Variants in KIAA1217 observed in about 807,000 individuals in gnomAD.
The protein encoded by KIAA1217 is sickle tail protein homolog.
In KIAA1217, 88 loss-of-function variants were observed where a neutral mutation model predicts 163.9. The observed-to-expected ratio is 0.54, with a 90% CI of 0.45 to 0.64. The LOEUF (loss-of-function observed/expected upper bound fraction) is 0.64, where lower values mean the gene tolerates loss of function less well. Ranked by LOEUF, KIAA1217 falls within the 30% of genes least tolerant of loss-of-function variation. The pLI is 0.00. For missense variants in KIAA1217, 2,372 were observed against 2,475.0 expected (o/e 0.96, Z 0.88); for synonymous variants, 903 against 923.1 (o/e 0.98, Z 0.39).
chr10:23,894,604 T>C (rs1017665309), intron 1 of KIAA1217, among the ~76,000 whole-genome samples: 1 of 150,410 alleles, frequency 6.6e-6, no homozygotes, highest in African/African-American at 2.4e-5. Context: ...CCCATCAAGC[T>C]ACCAATGACT....
Position 24,544,168 on chromosome 10 carries a change from C to T in KIAA1217, c.4898C>T (p.Thr1633Ile), listed in dbSNP as rs756694741. The T allele has an allele frequency of 7.4e-6, 12 of 1,614,114 alleles. No homozygotes were observed. In the South Asian group the frequency reaches 1.1e-4, roughly 15 times the overall value. ...ATCGCTAGGTCTCAACCTGAAGACA[C>T]CCCTGAAAACACAGTGAGGAGGCAA... ...FEIARSQPED[T>I]PENTVRRQEQ... The change falls in exon 19 of 21, where the codon ACC becomes ATC. Residue 1633 changes from threonine to isoleucine, a missense_variant. By Grantham distance (89) the Thr-to-Ile change is moderately conservative. Transcript: ENST00000376454.
chr10:23,835,368 T>G lies in KIAA1217; in HGVS notation c.-321+140134T>G, dbSNP rs192986352. On this transcript the variant is annotated intron_variant, in intron 1 of 18. Coordinates refer to the KIAA1217 transcript ENST00000376462. ...TAAACTTCTCAAAAATGGAGTGATT[T>G]TTTTTTGGCTTATCTGAGAAGGGGG... 2.0e-5 allele frequency among the ~76,000 whole-genome samples: 3 copies of G among 152,212 alleles called. No individual in the cohort carries two copies. The East Asian group carries it at 5.8e-4, about 29-fold the overall frequency.
chr10:24,457,688 C>T (rs1042184529), intron 5 of KIAA1217, among the ~76,000 whole-genome samples: 8 of 152,122 alleles, frequency 5.3e-5, no homozygotes, highest in Admixed American at 2.0e-4. Context: ...GGTGTGAGAG[C>T]CACTGTGCTC....
chr10:23,774,539 T>A (rs1203129588), intron 1 of KIAA1217, among the ~76,000 whole-genome samples: 4 of 152,170 alleles, frequency 2.6e-5, no homozygotes, highest in Non-Finnish European at 5.9e-5. Context: ...TGTGCAGACC[T>A]CCTCTACTGG....
At chr10:24,350,059 C>G (rs1462710270) in intron 2 of KIAA1217, among the ~76,000 whole-genome samples, 1 of 152,166 alleles carries the variant, frequency 6.6e-6, no homozygotes, top group Non-Finnish European at 1.5e-5. Context: ...CTCTTCATCC[C>G]TGGGTAAGGT....
intron 2 of KIAA1217, among the ~76,000 whole-genome samples, chr10:24,166,119 A>G (rs2065332687): frequency 6.6e-6 from 1 of 152,104 alleles, no homozygotes; most frequent in African/African-American, 2.4e-5. Flanking sequence ...ATTTGGACAA[A>G]TCGTTTTTAA....
chr10:24,233,137 A>T (rs2071692764), intron 2 of KIAA1217, among the ~76,000 whole-genome samples: 1 of 151,896 alleles, frequency 6.6e-6, no homozygotes, highest in African/African-American at 2.4e-5. Flanking sequence ...TAAAATAAAG[A>T]AATAAAAATA....
At chr10:23,962,502 G>A (rs1844857481) in intron 1 of KIAA1217, among the ~76,000 whole-genome samples, 1 of 152,066 alleles carries the variant, frequency 6.6e-6, no homozygotes, top group Admixed American at 6.6e-5. Context: ...ACAACAAATG[G>A]GAATTCTCTT....
At chr10:24,526,379 C>T (rs1375856269) in intron 13 of KIAA1217, among the ~76,000 whole-genome samples, 3 of 152,152 alleles carry the variant, frequency 2.0e-5, no homozygotes, top group Non-Finnish European at 4.4e-5. Context: ...TGATTCTATT[C>T]CCAGTACCTA....
At chr10:24,165,687 C>A (rs1454823212) in intron 2 of KIAA1217, among the ~76,000 whole-genome samples, 1 of 152,204 alleles carries the variant, frequency 6.6e-6, no homozygotes, top group East Asian at 1.9e-4. Context: ...TTTATAGGAT[C>A]TTGCTCAGGT....
At chr10:24,274,063 A>G (rs1721718444) in intron 2 of KIAA1217, among the ~76,000 whole-genome samples, 1 of 152,230 alleles carries the variant, frequency 6.6e-6, no homozygotes, top group African/African-American at 2.4e-5. Flanking sequence ...TAAGGCAATG[A>G]TTTACATTTC....
chr10:24,418,170 C>T (rs999899392), intron 3 of KIAA1217, among the ~76,000 whole-genome samples: 2 of 151,838 alleles, frequency 1.3e-5, no homozygotes, highest in Non-Finnish European at 2.9e-5. Flanking sequence ...TTATTCAGGC[C>T]GGTCTTAAAC....
chr10:23,850,139 G>T (rs1398528586), intron 1 of KIAA1217, among the ~76,000 whole-genome samples: 2 of 151,972 alleles, frequency 1.3e-5, no homozygotes, highest in Non-Finnish European at 2.9e-5. Context: ...TAATTAAAAA[G>T]AACAACCCAC....
intron 2 of KIAA1217, chr10:24,275,931 T>A (rs1015271025): frequency 7.3e-6 from 3 of 412,230 alleles, no homozygotes; most frequent in African/African-American, 6.3e-5. Flanking sequence ...TGTCTTTCCA[T>A]ACCCCTCCCT....
intron 1 of KIAA1217, among the ~76,000 whole-genome samples, chr10:23,933,653 G>A (rs1843347971): frequency 6.6e-6 from 1 of 151,640 alleles, no homozygotes; most frequent in African/African-American, 2.4e-5. Flanking sequence ...TCTAACAAAG[G>A]TCTAATATCC....
At chr10:24,434,723 G>A (rs1451103066) in intron 4 of KIAA1217, among the ~76,000 whole-genome samples, 2 of 152,116 alleles carry the variant, frequency 1.3e-5, no homozygotes, top group Non-Finnish European at 2.9e-5. Flanking sequence ...CTGGAAAACA[G>A]GACTTAGATC....
chr10:24,384,001 G>T (rs1051888886), intron 3 of KIAA1217, among the ~76,000 whole-genome samples: 1 of 152,196 alleles, frequency 6.6e-6, no homozygotes, highest in South Asian at 2.1e-4. Flanking sequence ...CGGGTTCCTG[G>T]GATAAACAGT....
In KIAA1217 at chr10:24,521,812, G is replaced by C. The variant is rs1564851804; in HGVS notation, c.2339G>C (p.Arg780Pro). 6.2e-7 allele frequency: 1 copy of C among 1,613,382 alleles called. No individual in the cohort carries two copies. Among genetic ancestry groups the C allele is most frequent in the Non-Finnish European group, 8.5e-7 (1 of 1,179,912 alleles). ...GEFPTLQNKM[R>P]AILRIEVEAV... ...TTTCCAACCTTACAAAACAAGATGC[G>C]AGCCATCCTGCGCATAGAAGTGGAG... Residue 780 changes from arginine (R) to proline (P), a missense_variant, in exon 12 of 21, where the codon CGA becomes CCA. Transcript: ENST00000376454.
chr10:24,443,384 A>T (rs1371584815), intron 5 of KIAA1217, among the ~76,000 whole-genome samples: 1 of 152,138 alleles, frequency 6.6e-6, no homozygotes, highest in Non-Finnish European at 1.5e-5. Flanking sequence ...TATAGCCTTC[A>T]TTATCTCTCT....
Sources: allele counts gnomAD v4.1 joint callset (sites outside exome capture counted in the v4.1 genomes callset), GRCh38; gene constraint gnomAD v4.1.1; transcripts MANE v1.5; gene names NCBI Gene and HGNC (gene_info 2026-07-23, HGNC 2026-07-21).